The following GLCE variants were observed in gnomAD, a reference collection of about 807,000 sequenced individuals.
GLCE encodes the protein glucuronic acid epimerase, also known as D-glucuronyl C5-epimerase.
Under a neutral mutation model 47.9 loss-of-function variants are expected in GLCE, and 19 were observed. The observed-to-expected ratio is 0.40, with a 90% CI of 0.28 to 0.58. GLCE has a LOEUF of 0.58. GLCE is among the 20% of genes least tolerant of loss of function. GLCE has a pLI of 0.48. For synonymous variants in GLCE, 245 were observed against 263.4 expected (o/e 0.93, Z 0.68); for missense variants, 556 against 743.3 (o/e 0.75, Z 2.93).
chr15:69,219,572 C>T (rs1479803450), intron 2 of GLCE, among the ~76,000 whole-genome samples: 3 of 152,028 alleles, frequency 2.0e-5, no homozygotes, highest in African/African-American at 7.2e-5. Flanking sequence ...AGTGTTGGTG[C>T]AGCCAGAACT....
At chr15:69,228,664 A>T (rs2052480489) in intron 2 of GLCE, among the ~76,000 whole-genome samples, 1 of 152,176 alleles carries the variant, frequency 6.6e-6, no homozygotes, top group South Asian at 2.1e-4. Context: ...TAAAAGACAA[A>T]TTTGTTTGAA....
At chr15:69,261,950 A>G (rs1435236197) in intron 4 of GLCE, among the ~76,000 whole-genome samples, 1 of 152,222 alleles carries the variant, frequency 6.6e-6, no homozygotes, top group Admixed American at 6.5e-5. Flanking sequence ...GCACTAATCA[A>G]TATCAATGAG....
chr15:69,264,234 A>G (rs368544637), intron 4 of GLCE, among the ~76,000 whole-genome samples: 5 of 149,346 alleles, frequency 3.3e-5, no homozygotes, highest in East Asian at 4.0e-4. Flanking sequence ...AGGTCCACAT[A>G]TAAGTGAGAT....
At chr15:69,226,047 GACACACACACAC>G (rs36218660) in intron 2 of GLCE, among the ~76,000 whole-genome samples, 4 of 59,592 alleles carry the variant, frequency 6.7e-5, no homozygotes, top group African/African-American at 7.5e-5. Flanking sequence ...CGCATGCACA[GACACACACACAC>G]ACACACACAC....
intron 1 of GLCE, among the ~76,000 whole-genome samples, chr15:69,189,181 C>T (rs2051877171): frequency 6.6e-6 from 1 of 152,148 alleles, no homozygotes; most frequent in African/African-American, 2.4e-5. Context: ...CTCTGTGCTC[C>T]ACCTGTTCAT....
chr15:69,240,599 C>T (rs114049957), intron 2 of GLCE, among the ~76,000 whole-genome samples: 11 of 151,846 alleles, frequency 7.2e-5, no homozygotes, highest in African/African-American at 2.4e-4. Flanking sequence ...TTAATAAGTA[C>T]GGCCTATAGG....
intron 1 of GLCE, among the ~76,000 whole-genome samples, chr15:69,207,707 T>C (rs549332932): frequency 1.3e-5 from 2 of 152,104 alleles, no homozygotes; most frequent in African/African-American, 2.4e-5. Flanking sequence ...TCATTAAATA[T>C]TGGTGTATAG....
At chr15:69,194,396 C>G (rs2051956037) in intron 1 of GLCE, 1 of 152,132 alleles carries the variant, frequency 6.6e-6, no homozygotes, top group South Asian at 2.1e-4. Flanking sequence ...AGTGTTCTTG[C>G]AGCTGGAATG....
chr15:69,213,094 T>C (rs1461505765), intron 2 of GLCE, among the ~76,000 whole-genome samples: 1 of 152,058 alleles, frequency 6.6e-6, no homozygotes, highest in Non-Finnish European at 1.5e-5. Flanking sequence ...AATTTTATTT[T>C]GAAATAATTT....
At chr15:69,242,811 GAGGC>G (rs1394519303) in intron 2 of GLCE, among the ~76,000 whole-genome samples, 1 of 151,820 alleles carries the variant, frequency 6.6e-6, no homozygotes, top group Admixed American at 6.6e-5. Flanking sequence ...TTGGGAAGCC[GAGGC>G]AGGGGGTGTT....
intron 1 of GLCE, among the ~76,000 whole-genome samples, chr15:69,176,536 T>G (rs1481144974): frequency 1.3e-5 from 2 of 151,778 alleles, no homozygotes; most frequent in Non-Finnish European, 2.9e-5. Context: ...CCCATTTTTG[T>G]TTTTTTTCCT....
intron 1 of GLCE, among the ~76,000 whole-genome samples, chr15:69,177,322 CA>C (rs1841114986): frequency 1.3e-5 from 2 of 152,150 alleles, no homozygotes; most frequent in African/African-American, 2.4e-5. Context: ...CTTGGTCTCC[CA>C]AAGTGCTGAG....
intron 2 of GLCE, among the ~76,000 whole-genome samples, chr15:69,237,342 C>T (rs1422449036): frequency 1.3e-5 from 2 of 152,088 alleles, no homozygotes; most frequent in Non-Finnish European, 1.5e-5. Flanking sequence ...TGCCTGTAAT[C>T]CCAGCACTTT....
At chr15:69,245,323 ACT>A (rs1288651579) in intron 2 of GLCE, among the ~76,000 whole-genome samples, 2 of 128,372 alleles carry the variant, frequency 1.6e-5, no homozygotes, top group East Asian at 2.2e-4. Context: ...ACAGAGCAAG[ACT>A]CTGTCTCAAA....
chr15:69,162,910 G>T (rs943249531), intron 1 of GLCE, among the ~76,000 whole-genome samples: 5 of 152,206 alleles, frequency 3.3e-5, no homozygotes, highest in African/African-American at 9.6e-5. Flanking sequence ...TTTTTTAAAA[G>T]ATGTCATTTT....
At chr15:69,213,397 A>T (rs2052260355) in intron 2 of GLCE, among the ~76,000 whole-genome samples, 1 of 151,632 alleles carries the variant, frequency 6.6e-6, no homozygotes, top group Admixed American at 6.6e-5. Context: ...ACTTTGAAAG[A>T]CTCCTGGTCA....
chr15:69,165,824 T>C (rs1248501425), intron 1 of GLCE, among the ~76,000 whole-genome samples: 1 of 152,224 alleles, frequency 6.6e-6, no homozygotes, highest in Non-Finnish European at 1.5e-5. Context: ...ATGTCAGAAG[T>C]GAGTTAAACT....
At chr15:69,262,612 T>C (rs2053029635) in intron 4 of GLCE, among the ~76,000 whole-genome samples, 1 of 152,174 alleles carries the variant, frequency 6.6e-6, no homozygotes, top group Admixed American at 6.5e-5. Flanking sequence ...ACAGATTTCA[T>C]TGTGCACTTT....
intron 2 of GLCE, among the ~76,000 whole-genome samples, chr15:69,217,555 T>C (rs1038000327): frequency 4.6e-5 from 7 of 152,176 alleles, no homozygotes; most frequent in African/African-American, 9.6e-5. Context: ...GTGACTTCAA[T>C]TGAGTATGCT....
Sources: gnomAD v4.1 joint callset for allele counts (sites outside exome capture counted in the v4.1 genomes callset) on GRCh38, gnomAD v4.1.1 for gene constraint, MANE v1.5 for transcripts, NCBI Gene and HGNC (gene_info 2026-07-23, HGNC 2026-07-21) for gene names.